KCNH1: variants seen among roughly 807,000 people sequenced by gnomAD.
KCNH1 encodes the protein voltage-gated delayed rectifier potassium channel KCNH1.
A neutral mutation model predicts 69.2 loss-of-function variants in KCNH1; 27 were observed. The observed-to-expected ratio is 0.39, with a 90% CI of 0.29 to 0.54. The LOEUF (loss-of-function observed/expected upper bound fraction) is 0.54. Among genes scored for constraint, KCNH1 ranks in the 20% least tolerant of loss-of-function variants. The probability of loss-of-function intolerance (pLI) is 0.68; values close to 1 mark genes in which losing one functional copy is unlikely to be tolerated. For synonymous variants in KCNH1, 456 were observed against 487.7 expected (o/e 0.93, Z 0.86); for missense variants, 798 against 1,261.6 (o/e 0.63, Z 5.57).
intron 6 of KCNH1, among the ~76,000 whole-genome samples, chr1:210,933,470 A>C (rs945076657): frequency 6.6e-6 from 1 of 152,100 alleles, no homozygotes; most frequent in Non-Finnish European, 1.5e-5. Flanking sequence ...ATATGTAACT[A>C]ACCTGCACAT....
intron 7 of KCNH1, chr1:210,861,673 A>T: frequency 1.3e-6 from 1 of 773,088 alleles, no homozygotes; most frequent in South Asian, 1.3e-5. Context: ...ATCATAGAAG[A>T]TCTTGAATAT....
intron 10 of KCNH1, among the ~76,000 whole-genome samples, chr1:210,761,132 G>A (rs796189443): frequency 1.2e-3 from 173 of 148,046 alleles, no homozygotes; most frequent in African/African-American, 4.2e-3. Context: ...GGCGCCTGTA[G>A]TCCCAGCTAC....
intron 6 of KCNH1, among the ~76,000 whole-genome samples, chr1:210,986,736 G>A (rs554943274): frequency 1.6e-4 from 25 of 152,186 alleles, no homozygotes; most frequent in African/African-American, 5.3e-4. Context: ...TCATTTCAAC[G>A]TTGGTGAATC....
At chr1:210,984,913 G>C (rs551598777) in intron 6 of KCNH1, among the ~76,000 whole-genome samples, 119 of 152,126 alleles carry the variant, frequency 7.8e-4, no homozygotes, top group Admixed American at 2.2e-3. Context: ...CCATCTGGTC[G>C]TGGACTTTTT....
intron 7 of KCNH1, among the ~76,000 whole-genome samples, chr1:210,839,185 T>C (rs530877696): frequency 1.3e-5 from 2 of 152,280 alleles, no homozygotes; most frequent in East Asian, 3.9e-4. Context: ...ACAGACTGGA[T>C]AAAGAAAATG....
chr1:210,694,180 A>G (rs1320826414), intron 10 of KCNH1, among the ~76,000 whole-genome samples: 1 of 152,018 alleles, frequency 6.6e-6, no homozygotes, highest in Non-Finnish European at 1.5e-5. Context: ...CCCTAGAATG[A>G]AGACCATGCC....
intron 10 of KCNH1, among the ~76,000 whole-genome samples, chr1:210,761,024 G>T (rs990863324): frequency 6.6e-6 from 1 of 151,628 alleles, no homozygotes; most frequent in Non-Finnish European, 1.5e-5. Context: ...AGGCCGAGGC[G>T]GGCGGATCAC....
chr1:211,077,665 TA>T lies in KCNH1; in HGVS notation c.558+5114del, dbSNP rs573460036. Among the ~76,000 whole-genome samples the T allele has an allele frequency of 1.5e-3, 231 of 152,252 alleles. 1 individual carries two copies. Among genetic ancestry groups the T allele is most frequent in the African/African-American group, 5.4e-3 (224 of 41,544 alleles). On this transcript the variant is annotated intron_variant, in intron 5 of 10. Coordinates refer to ENST00000271751, the MANE Select transcript of KCNH1 (RefSeq NM_172362.3). The stretch of plus-strand genomic sequence containing the variant: ...GCCACTGCAAAAACATACCAAATTG[TA>T]AAGACTATAAATGCTAGGAAGAAAC...
At chr1:210,980,026 A>T (rs1688681816) in intron 6 of KCNH1, among the ~76,000 whole-genome samples, 1 of 152,212 alleles carries the variant, frequency 6.6e-6, no homozygotes, top group African/African-American at 2.4e-5. Context: ...TGGCAACATT[A>T]TTAACATGTC....
chr1:210,973,077 T>C (rs564453631), intron 6 of KCNH1, among the ~76,000 whole-genome samples: 1 of 152,232 alleles, frequency 6.6e-6, no homozygotes, highest in East Asian at 1.9e-4. Flanking sequence ...CCTCATTCTG[T>C]AGCACCCACA....
intron 10 of KCNH1, among the ~76,000 whole-genome samples, chr1:210,737,191 A>G (rs1257267209): frequency 6.6e-6 from 1 of 152,208 alleles, no homozygotes; most frequent in Non-Finnish European, 1.5e-5. Context: ...GGGCAGCCAG[A>G]GGACAGGGAA....
At chr1:210,983,509 A>C (rs1453094432) in intron 6 of KCNH1, among the ~76,000 whole-genome samples, 1 of 152,172 alleles carries the variant, frequency 6.6e-6, no homozygotes, top group Non-Finnish European at 1.5e-5. Flanking sequence ...TTTTCCCAGC[A>C]CCATTTATTA....
intron 6 of KCNH1, among the ~76,000 whole-genome samples, chr1:211,008,297 A>G (rs1689322998): frequency 6.6e-6 from 1 of 152,232 alleles, no homozygotes; most frequent in African/African-American, 2.4e-5. Flanking sequence ...CCAGTTACAA[A>G]AGGACAAATA....
At chr1:210,725,800 T>G (rs187106053) in intron 10 of KCNH1, among the ~76,000 whole-genome samples, 2 of 152,208 alleles carry the variant, frequency 1.3e-5, no homozygotes, top group African/African-American at 4.8e-5. Flanking sequence ...TATCCATATA[T>G]TTCCCTTCTT....
rs1013846810 is a variant in KCNH1, at chr1:210,797,675, C to T, written c.1748G>A (p.Arg583Gln). The part of the protein sequence containing the change: ...RKVFKEHPAF[R>Q]LASDGCLRAL... ...CCGGAGGCAGCCATCACTGGCCAGCCGGAAGGCCGGGTGCTCCTTGAACAC... is the reference window on the plus strand; with the variant it reads ...CCGGAGGCAGCCATCACTGGCCAGCTGGAAGGCCGGGTGCTCCTTGAACAC... The change falls in exon 9 of 11, where the codon CGG becomes CAG. Residue 583 changes from arginine to glutamine, a missense_variant. Around this residue, in one of 4 missense-constraint regions of KCNH1, gnomAD observed 197 missense variants for 407.7 expected, o/e 0.48. Transcript: ENST00000271751. 6 of 1,614,088 alleles carry T rather than the reference C, an allele frequency of 3.7e-6. No homozygotes were observed. The highest frequency in any genetic ancestry group is 3.3e-5 in the Admixed American group (2 of 60,008).
intron 3 of KCNH1, among the ~76,000 whole-genome samples, chr1:211,099,957 G>A (rs1371935721): frequency 1.3e-5 from 2 of 151,986 alleles, no homozygotes; most frequent in Non-Finnish European, 2.9e-5. Context: ...TTGTCAGAGG[G>A]ATTCCTAACA....
intron 7 of KCNH1, among the ~76,000 whole-genome samples, chr1:210,870,192 A>G (rs1686209037): frequency 6.6e-6 from 1 of 152,054 alleles, no homozygotes; most frequent in Non-Finnish European, 1.5e-5. Context: ...CTAGTTGTTT[A>G]CAGTAAGAGA....
At chr1:211,025,957 G>A (rs1240098403) in intron 5 of KCNH1, among the ~76,000 whole-genome samples, 1 of 152,086 alleles carries the variant, frequency 6.6e-6, no homozygotes, top group African/African-American at 2.4e-5. Context: ...AATAGTCTGG[G>A]CTTCTAGAGT....
At chr1:211,010,972 G>T (rs1273111091) in intron 6 of KCNH1, among the ~76,000 whole-genome samples, 1 of 152,082 alleles carries the variant, frequency 6.6e-6, no homozygotes, top group Admixed American at 6.5e-5. Context: ...CTGCTCCCCA[G>T]TGCTAAACTC....
Sources: gnomAD v4.1 joint callset for allele counts (sites outside exome capture counted in the v4.1 genomes callset) on GRCh38, gnomAD v4.1.1 for gene constraint, gnomAD v4.1.1 regional missense constraint, MANE v1.5 for transcripts, NCBI Gene and HGNC (gene_info 2026-07-23, HGNC 2026-07-21) for gene names.